CSNK1G3: variants seen among roughly 807,000 people sequenced by gnomAD.
The protein encoded by CSNK1G3 is casein kinase 1 gamma 3.
In CSNK1G3, 23 loss-of-function variants were observed where a neutral mutation model predicts 64.3. The observed-to-expected ratio is 0.36, with a 90% CI of 0.26 to 0.51. The LOEUF (loss-of-function observed/expected upper bound fraction) is 0.51. Ranked by LOEUF, CSNK1G3 falls within the 20% of genes least tolerant of loss-of-function variation. CSNK1G3 has a pLI of 0.96. For missense variants in CSNK1G3, 357 were observed against 510.5 expected, an observed-to-expected ratio of 0.70 and a Z score of 2.90; for synonymous variants, 158 against 162.2, an observed-to-expected ratio of 0.97 and a Z score of 0.20.
intron 12 of CSNK1G3, among the ~76,000 whole-genome samples, chr5:123,611,477 C>A (rs891318064): frequency 1.3e-5 from 2 of 152,086 alleles, no homozygotes; most frequent in African/African-American, 4.8e-5. Flanking sequence ...TGGCGTAGTT[C>A]AGTAAAACAC....
At chr5:123,580,623 C>G (rs1207889241) in intron 6 of CSNK1G3, among the ~76,000 whole-genome samples, 1 of 151,748 alleles carries the variant, frequency 6.6e-6, no homozygotes, top group Non-Finnish European at 1.5e-5. Flanking sequence ...TGAATTGTTA[C>G]TTTTGTGTCA....
chr5:123,603,688 T>A (rs1391987172), intron 10 of CSNK1G3, among the ~76,000 whole-genome samples: 1 of 152,136 alleles, frequency 6.6e-6, no homozygotes, highest in South Asian at 2.1e-4. Flanking sequence ...AGATGCTGTT[T>A]GAGAATCTGA....
chr5:123,565,368 G>C (rs2150544457), intron 4 of CSNK1G3, among the ~76,000 whole-genome samples: 1 of 152,280 alleles, frequency 6.6e-6, no homozygotes, highest in South Asian at 2.1e-4. Context: ...GAAAACTGTT[G>C]ATCTAGGAGT....
intron 8 of CSNK1G3, among the ~76,000 whole-genome samples, chr5:123,589,790 C>T (rs1007148967): frequency 1.3e-5 from 2 of 151,950 alleles, no homozygotes; most frequent in Admixed American, 6.6e-5. Flanking sequence ...ATTTGTATAT[C>T]GCCAAATAAT....
intron 8 of CSNK1G3, 48 bp downstream of exon 8, chr5:123,588,559 T>C: frequency 8.7e-7 from 1 of 1,151,024 alleles, no homozygotes; most frequent in Non-Finnish European, 1.3e-6. Context: ...AAACTAGAAA[T>C]GCTAATTTTT....
At chr5:123,552,654 A>G (rs1423029483) in intron 2 of CSNK1G3, among the ~76,000 whole-genome samples, 1 of 152,160 alleles carries the variant, frequency 6.6e-6, no homozygotes, top group Non-Finnish European at 1.5e-5. Flanking sequence ...TGTTTATTTA[A>G]TATACTTACT....
intron 6 of CSNK1G3, among the ~76,000 whole-genome samples, chr5:123,578,837 C>G (rs541700008): frequency 1.3e-5 from 2 of 151,958 alleles, no homozygotes; most frequent in African/African-American, 4.8e-5. Context: ...CGTATTCTTT[C>G]TTATTGAATT....
chr5:123,614,329 C>A lies in CSNK1G3; in HGVS notation c.1218-13C>A. The A allele has an allele frequency of 6.2e-7, 1 of 1,610,176 alleles. No homozygotes were observed. Among genetic ancestry groups the A allele is most frequent in the Non-Finnish European group, 8.5e-7 (1 of 1,178,612 alleles). ...TGCTTTTAAAATAAAAAGAGTGTTTCCCTCATCTGCAGGTGCTGCTGTTTT... is the reference window on the plus strand; with the variant it reads ...TGCTTTTAAAATAAAAAGAGTGTTTACCTCATCTGCAGGTGCTGCTGTTTT... On this transcript the variant is annotated splice_polypyrimidine_tract_variant and intron_variant, in intron 12 of 12. Coordinates refer to ENST00000345990, the Ensembl canonical transcript of CSNK1G3.
At chr5:123,604,857 T>A in intron 11 of CSNK1G3, 27 bp downstream of exon 12, 1 of 1,506,150 alleles carries the variant, frequency 6.6e-7, no homozygotes, top group Non-Finnish European at 9.1e-7. Context: ...CTTGTTTTAG[T>A]AACTTTTTGT....
intron 4 of CSNK1G3, among the ~76,000 whole-genome samples, chr5:123,559,868 C>T (rs1785343812): frequency 6.6e-6 from 1 of 152,004 alleles, no homozygotes; most frequent in Admixed American, 6.6e-5. Flanking sequence ...TTTCAGACTG[C>T]TCTTAATTAT....
chr5:123,555,306 CTT>C (rs143013749), intron 3 of CSNK1G3, among the ~76,000 whole-genome samples: 1 of 152,230 alleles, frequency 6.6e-6, no homozygotes, highest in East Asian at 1.9e-4. Context: ...GGACAGAAAA[CTT>C]TTCACATACA....
At chr5:123,566,011 T>C (rs999648573) in intron 4 of CSNK1G3, among the ~76,000 whole-genome samples, 14 of 152,204 alleles carry the variant, frequency 9.2e-5, no homozygotes, top group Admixed American at 2.6e-4. Context: ...TGAAGAATTC[T>C]AGACCTGAAA....
intron 4 of CSNK1G3, among the ~76,000 whole-genome samples, chr5:123,566,064 C>T (rs1018851647): frequency 4.6e-5 from 7 of 152,112 alleles, no homozygotes; most frequent in African/African-American, 1.7e-4. Context: ...GATATTATTT[C>T]CTTAATGGTC....
intron 9 of CSNK1G3, 92 bp from the exon 10 acceptor site, chr5:123,591,227 G>T (rs1032878872): frequency 4.8e-5 from 32 of 664,254 alleles, no homozygotes; most frequent in Non-Finnish European, 7.3e-5. Context: ...ACAGTCTTTT[G>T]TTTTTTTCCT....
chr5:123,520,720 T>C (rs9942369), intron 1 of CSNK1G3, among the ~76,000 whole-genome samples: 143 of 152,188 alleles, frequency 9.4e-4, no homozygotes, highest in African/African-American at 3.3e-3. Context: ...ATAAAATTAG[T>C]GGACTTCTGA....
intron 12 of CSNK1G3, among the ~76,000 whole-genome samples, chr5:123,610,783 C>T (rs1020809755): frequency 1.3e-5 from 2 of 151,888 alleles, no homozygotes; most frequent in African/African-American, 4.8e-5. Flanking sequence ...TGAGACCAGC[C>T]TGGGCAACAT....
intron 12 of CSNK1G3, among the ~76,000 whole-genome samples, chr5:123,609,151 T>C (rs1378802223): frequency 6.6e-6 from 1 of 152,112 alleles, no homozygotes; most frequent in Non-Finnish European, 1.5e-5. Context: ...AATTTCCCAA[T>C]CTCAGAGGGC....
chr5:123,582,479 T>C (rs1790485926), intron 6 of CSNK1G3, among the ~76,000 whole-genome samples: 1 of 152,196 alleles, frequency 6.6e-6, no homozygotes, highest in Non-Finnish European at 1.5e-5. Flanking sequence ...ACACAGACTC[T>C]TAATACGTGT....
At chr5:123,557,500 C>T (rs1347655952) in exon 4 of CSNK1G3, 4 of 1,606,578 alleles carry the variant, frequency 2.5e-6, no homozygotes, top group Non-Finnish European at 3.4e-6. Flanking sequence ...ATTAGGAGCC[C>T]ATGAAATCAA....
Sources: allele counts gnomAD v4.1 joint callset (sites outside exome capture counted in the v4.1 genomes callset), GRCh38; gene constraint gnomAD v4.1.1; transcripts MANE v1.5; gene names NCBI Gene and HGNC (gene_info 2026-07-23, HGNC 2026-07-21).